The following PPP1R16B variants were observed in gnomAD, a reference collection of about 807,000 sequenced individuals.
The protein encoded by PPP1R16B is protein phosphatase 1 regulatory subunit 16B.
Under a neutral mutation model 61.7 loss-of-function variants are expected in PPP1R16B, and 14 were observed. The ratio of observed to expected loss-of-function variants is 0.23; its 90% confidence interval spans 0.15 to 0.35. The LOEUF is 0.35. PPP1R16B is among the 10% of genes least tolerant of loss of function. The pLI is 1.00. For synonymous variants in PPP1R16B, 266 were observed against 305.3 expected (o/e 0.87, Z 1.34); for missense variants, 547 against 752.5 (o/e 0.73, Z 3.19).
chr20:38,913,325 C>T (rs771539007), intron 10 of PPP1R16B, among the ~76,000 whole-genome samples: 3 of 151,902 alleles, frequency 2.0e-5, no homozygotes, highest in Non-Finnish European at 4.4e-5. Flanking sequence ...TGCAGTGGCT[C>T]AATCTTGGCT....
chr20:38,840,171 T>C (rs2084900680), intron 2 of PPP1R16B, among the ~76,000 whole-genome samples: 1 of 152,240 alleles, frequency 6.6e-6, no homozygotes, highest in South Asian at 2.1e-4. Flanking sequence ...CAGAGCCTGC[T>C]GCTTTCAGCA....
At chr20:38,837,067 C>T (rs553351992) in intron 2 of PPP1R16B, among the ~76,000 whole-genome samples, 1 of 152,340 alleles carries the variant, frequency 6.6e-6, no homozygotes, top group African/African-American at 2.4e-5. Flanking sequence ...GCCTGGCACC[C>T]TCTGAATGCT....
intron 4 of PPP1R16B, among the ~76,000 whole-genome samples, chr20:38,898,963 G>A (rs572996988): frequency 1.3e-5 from 2 of 152,164 alleles, no homozygotes; most frequent in Non-Finnish European, 2.9e-5. Context: ...GAAGTCCTGG[G>A]GAGCCAGGAA....
At chr20:38,861,463 T>C (rs746672814) in intron 2 of PPP1R16B, among the ~76,000 whole-genome samples, 74 of 152,264 alleles carry the variant, frequency 4.9e-4, no homozygotes, top group Admixed American at 8.5e-4. Context: ...TGGCTCCACC[T>C]GGGGGGCTAG....
chr20:38,832,262 A>T (rs1430790846), intron 1 of PPP1R16B, among the ~76,000 whole-genome samples: 3 of 152,172 alleles, frequency 2.0e-5, no homozygotes, highest in African/African-American at 7.2e-5. Context: ...AATTAAATGG[A>T]TTTATGAGAT....
At chr20:38,911,405 A>G (rs140363934) in intron 10 of PPP1R16B, among the ~76,000 whole-genome samples, 1 of 151,088 alleles carries the variant, frequency 6.6e-6, no homozygotes, top group Non-Finnish European at 1.5e-5. Context: ...TGACCTCGTG[A>G]TCCACCCGCC....
At chr20:38,839,102 A>G (rs906135892) in intron 2 of PPP1R16B, among the ~76,000 whole-genome samples, 5 of 152,062 alleles carry the variant, frequency 3.3e-5, no homozygotes, top group Admixed American at 2.0e-4. Flanking sequence ...TAATTTTTGT[A>G]TTTTTAGTAG....
At chr20:38,910,530 T>C (rs1333602193) in intron 10 of PPP1R16B, among the ~76,000 whole-genome samples, 1 of 145,566 alleles carries the variant, frequency 6.9e-6, no homozygotes, top group Admixed American at 6.9e-5. Flanking sequence ...ATAGCAGTAG[T>C]TTTTTTTTGT....
In PPP1R16B at chr20:38,903,595, A is replaced by G. The variant is rs555577687; in HGVS notation, c.696+803A>G. ...CGTCCGTCCGTCCATCCATCCATCC[A>G]TCCATCCATCCATCCATCCATCATT... On this transcript the variant is annotated intron_variant, in intron 6 of 10. Transcript: ENST00000299824. Among the ~76,000 whole-genome samples the G allele has an allele frequency of 3.4e-3, 517 of 151,716 alleles. 1 individual carries two copies. The highest frequency in any genetic ancestry group is 0.01 in the Admixed American group (155 of 15,208).
intron 10 of PPP1R16B, among the ~76,000 whole-genome samples, chr20:38,908,560 G>T (rs929060273): frequency 6.6e-6 from 1 of 152,198 alleles, no homozygotes; most frequent in Admixed American, 6.5e-5. Context: ...AGTCACCCAG[G>T]AGCTGAGGGT....
chr20:38,841,389 G>A (rs2084908332), intron 2 of PPP1R16B, among the ~76,000 whole-genome samples: 1 of 142,978 alleles, frequency 7.0e-6, no homozygotes, highest in Non-Finnish European at 1.5e-5. Context: ...AAAGCCAGCC[G>A]TGGTGGCACT....
At chr20:38,859,332 T>G (rs564826100) in intron 2 of PPP1R16B, among the ~76,000 whole-genome samples, 2 of 151,950 alleles carry the variant, frequency 1.3e-5, no homozygotes, top group African/African-American at 4.8e-5. Flanking sequence ...GTGTGAAATG[T>G]TCTGAAATCG....
intron 2 of PPP1R16B, among the ~76,000 whole-genome samples, chr20:38,855,943 TAGAGAGAGAGAG>T (rs1293814608): frequency 6.6e-5 from 1 of 15,066 alleles, no homozygotes; most frequent in Admixed American, 9.3e-4. Context: ...TATATATATA[TAGAGAGAGAGAG>T]AGAGAGAGAG....
At chr20:38,880,919 G>A (rs956818507) in intron 2 of PPP1R16B, among the ~76,000 whole-genome samples, 11 of 152,120 alleles carry the variant, frequency 7.2e-5, no homozygotes, top group South Asian at 4.1e-4. Flanking sequence ...GCCATCTTAC[G>A]TTCCCACCAG....
At position 38,814,937 on chromosome 20, in the gene PPP1R16B, G is replaced by A. The variant is rs182195635; in HGVS notation, c.-102+9145G>A. ...TTTTCTTTCTGGAACTATTGCTGTC[G>A]TTGGCTATCCCATGGACTGGATAGA... On this transcript the variant is annotated intron_variant, in intron 1 of 10. Transcript: ENST00000299824. 3.9e-5 allele frequency among the ~76,000 whole-genome samples: 6 copies of A among 152,206 alleles called. No homozygotes were observed. The East Asian group carries it at 7.7e-4, about 20-fold the overall frequency.
chr20:38,847,330 C>A (rs113067148), intron 2 of PPP1R16B, among the ~76,000 whole-genome samples: 1,920 of 152,262 alleles, frequency 0.013, 44 homozygotes, highest in African/African-American at 0.043. Context: ...GGTCATCTCT[C>A]TCCTTCTTTG....
chr20:38,900,511 A>C, intron 4 of PPP1R16B, 70 bp from the exon 5 acceptor site: 1 of 1,239,474 alleles, frequency 8.1e-7, no homozygotes, highest in South Asian at 1.4e-5. Context: ...GCGAGAGGCC[A>C]GAGGGCAGAG....
rs1360521244 is a variant in PPP1R16B at position 38,920,749 on chromosome 20, A to G, written c.*2083A>G. The G allele has an allele frequency of 6.6e-6, 1 of 152,424 alleles. No individual in the cohort carries two copies. The highest frequency in any genetic ancestry group is 1.5e-5 in the Non-Finnish European group (1 of 68,214). 9.4% of individuals were successfully genotyped at this position (152,424 alleles called of 1,614,324 possible). A position where few individuals can be genotyped will look rare whatever the true frequency, so the allele number is the denominator to read the frequency against. ...AGAGTAGGGGTGGAGGCGGCCCAGG[A>G]GGCTGAAGACAGGTGCACAGATGCT... is the stretch of plus-strand genomic sequence containing the variant. On this transcript the variant is annotated 3_prime_UTR_variant, in exon 11 of 11. Transcript: ENST00000299824.
intron 1 of PPP1R16B, among the ~76,000 whole-genome samples, chr20:38,815,959 C>T (rs1249988673): frequency 2.0e-5 from 3 of 152,048 alleles, no homozygotes; most frequent in Non-Finnish European, 4.4e-5. Flanking sequence ...GCTTAGCTAA[C>T]TTTTGTTTGA....
Sources: gnomAD v4.1 joint callset for allele counts (sites outside exome capture counted in the v4.1 genomes callset) on GRCh38, gnomAD v4.1.1 for gene constraint, MANE v1.5 for transcripts, NCBI Gene and HGNC (gene_info 2026-07-23, HGNC 2026-07-21) for gene names.